ENPP2: variants seen among roughly 807,000 people sequenced by gnomAD.
The protein encoded by ENPP2 is ectonucleotide pyrophosphatase/phosphodiesterase 2, also known as autotaxin.
A neutral mutation model predicts 120.2 loss-of-function variants in ENPP2; 51 were observed. That is an observed-to-expected ratio of 0.42 (90% confidence interval 0.34 to 0.54). The LOEUF (loss-of-function observed/expected upper bound fraction) is 0.54. Ranked by LOEUF, ENPP2 falls within the 20% of genes least tolerant of loss-of-function variation. ENPP2 has a pLI of 0.04. For missense variants in ENPP2, 920 were observed against 1,066.5 expected, an observed-to-expected ratio of 0.86 and a Z score of 1.91; for synonymous variants, 365 against 366.4, an observed-to-expected ratio of 1.00 and a Z score of 0.04.
At chr8:119,561,786 T>TC (rs1813953364) in intron 24 of ENPP2, among the ~76,000 whole-genome samples, 1 of 134,406 alleles carries the variant, frequency 7.4e-6, no homozygotes, top group African/African-American at 3.1e-5. Flanking sequence ...TTGCTCTTGC[T>TC]TTGTGTGTGT....
intron 1 of ENPP2, among the ~76,000 whole-genome samples, chr8:119,646,130 G>T (rs923492439): frequency 6.6e-6 from 1 of 151,734 alleles, no homozygotes; most frequent in Non-Finnish European, 1.5e-5. Context: ...CACCATACCC[G>T]GCTAATTTTT....
intron 8 of ENPP2, among the ~76,000 whole-genome samples, chr8:119,611,608 G>A (rs1815113194): frequency 6.6e-6 from 1 of 152,192 alleles, no homozygotes; most frequent in South Asian, 2.1e-4. Context: ...ACAAAGAACA[G>A]TTCCATCCGA....
In ENPP2 at chr8:119,587,037, CACTT is replaced by C; in HGVS notation, c.1239+3_1239+6del. On this transcript the variant is annotated splice_donor_5th_base_variant and intron_variant, in intron 14 of 24. Coordinates refer to ENST00000075322, the MANE Select transcript of ENPP2 (RefSeq NM_001040092.3). ...AGGGCAGAGGCGGGACAACTGGAAA[CACTT>C]ACCGTGAGATTGGCAATAATGGCTT... is the stretch of plus-strand genomic sequence containing the variant. 1 of 1,607,908 alleles carries C rather than the reference CACTT, an allele frequency of 6.2e-7. No individual in the cohort carries two copies. Among genetic ancestry groups the C allele is most frequent in the East Asian group, 2.2e-5 (1 of 44,760 alleles).
At position 119,574,621 on chromosome 8, in the gene ENPP2, G is replaced by A. The variant is rs115871277; in HGVS notation, c.1781-3780C>T. Among the ~76,000 whole-genome samples the A allele has an allele frequency of 5.5e-3, 832 of 152,174 alleles. 8 individuals carry two copies. Among genetic ancestry groups the A allele is most frequent in the African/African-American group, 0.019 (793 of 41,528 alleles). On this transcript the variant is annotated intron_variant, in intron 19 of 24. Transcript: ENST00000075322. ...TTTTGTATTCCAAATTTGGGTCGTA[G>A]AGACTGGAGTTTGTGTTCCTTTTCC... is the stretch of plus-strand genomic sequence containing the variant.
At position 119,638,520 on chromosome 8, in the gene ENPP2, G is replaced by T. The variant is rs1043447285; in HGVS notation, c.41C>A (p.Ser14Tyr). Residue 14 changes from serine to tyrosine, a missense_variant, in exon 2 of 25, where the codon TCC becomes TAC. Transcript: ENST00000075322. Reference protein sequence around the residue: ...RSSFQSCQIISLFTFAVGVNI... With the variant: ...RSSFQSCQIIYLFTFAVGVNI... ...GACTCCAACGGCAAAAGTGAACAGG[G>T]ATATTATCTAAGAGAATAAAGAGAC... The T allele has an allele frequency of 3.2e-6, 5 of 1,575,216 alleles. No individual in the cohort carries two copies. The African/African-American group carries it at 6.7e-5, about 21-fold the overall frequency.
chr8:119,616,379 T>C lies in ENPP2; in HGVS notation c.663A>G (p.Leu221=), dbSNP rs1815460252. The C allele has an allele frequency of 1.9e-6, 3 of 1,593,132 alleles. No homozygotes were observed. Among genetic ancestry groups the C allele is most frequent in the Non-Finnish European group, 2.6e-6 (3 of 1,164,888 alleles). The part of the protein sequence containing the change: ...FPNLYTLATG[L]YPESHGIVGN... ...CAACAATTCCATGTGATTCTGGATA[T>C]AGCCCCTTTTTGTAAAAGCAAATTT... The change falls in exon 8 of 25, where the codon CTA becomes CTG. Residue 221 remains leucine, a synonymous_variant. Transcript: ENST00000075322.
chr8:119,652,421 A>G (rs1817652734), intron 1 of ENPP2, among the ~76,000 whole-genome samples: 1 of 152,284 alleles, frequency 6.6e-6, no homozygotes, highest in East Asian at 1.9e-4. Flanking sequence ...CCCTCAATCT[A>G]TTCATCCCAC....
chr8:119,668,601 C>G (rs2013693), intron 1 of ENPP2, among the ~76,000 whole-genome samples: 50,091 of 151,098 alleles, frequency 0.33, 8,584 homozygotes, highest in East Asian at 0.5. Flanking sequence ...GCTAATTTTT[C>G]TATTTTTAGG....
intron 8 of ENPP2, 84 bp from the exon 9 acceptor site, chr8:119,608,061 ATATCT>A: frequency 1.2e-6 from 1 of 840,980 alleles, no homozygotes; most frequent in Non-Finnish European, 1.9e-6. Flanking sequence ...ATTAGATCAG[ATATCT>A]TATACTCTAC....
rs367807573 is a variant in ENPP2, at chr8:119,673,254, G to C, written c.19C>G (p.Arg7Gly). ...GTAGAGAGAGGCGCATACCGTACCC[G>C]ATCGGCGTGGCGGGTCATGCTGCGG... The change falls in exon 1 of 26, where the codon CGG (arginine) becomes GGG (glycine). Residue 7 changes from arginine to glycine, a missense_variant and splice_region_variant. Coordinates refer to the ENPP2 transcript ENST00000427067. 110 of 1,535,032 alleles carry C rather than the reference G, an allele frequency of 7.2e-5. 1 individual carries two copies. The African/African-American group carries it at 1.2e-3, about 17-fold the overall frequency.
intron 24 of ENPP2, among the ~76,000 whole-genome samples, chr8:119,559,212 A>T (rs1813719529): frequency 6.6e-6 from 1 of 152,174 alleles, no homozygotes; most frequent in South Asian, 2.1e-4. Flanking sequence ...TTAACGAAGT[A>T]GGAGGTCTCC....
Position 119,659,386 on chromosome 8 carries a change from C to T in ENPP2, c.21+13866G>A, listed in dbSNP as rs536258168. On this transcript the variant is annotated intron_variant, in intron 1 of 25. Transcript: ENST00000427067. ...ACTTCCTAGTGGTACTAATCCCTAACCCTAGAAAAATAACACTATTTTCTT... is the reference window on the plus strand; with the variant it reads ...ACTTCCTAGTGGTACTAATCCCTAATCCTAGAAAAATAACACTATTTTCTT... 1.4e-3 allele frequency among the ~76,000 whole-genome samples: 206 copies of T among 149,780 alleles called. 1 individual carries two copies. Among genetic ancestry groups the T allele is most frequent in the Non-Finnish European group, 2.5e-3 (170 of 67,604 alleles).
At chr8:119,568,404 T>C (rs987610083) in intron 21 of ENPP2, 152 bp from the exon 22 acceptor site, 8 of 591,186 alleles carry the variant, frequency 1.4e-5, no homozygotes, top group African/African-American at 1.3e-4. Flanking sequence ...AACTGCGTTA[T>C]ACAACATGTC....
In ENPP2 at chr8:119,607,922, A is replaced by G; in HGVS notation, c.833T>C (p.Val278Ala). ...GVKAGTFFWS[V>A]VIPHERRILT... ...CATTGACAAAATAAAGGTAACTTAC[A>G]CAGACCAAAAGAATGTTCCAGCTTT... The change falls in exon 9 of 25, where the codon GTT (valine) becomes GCT (alanine). Residue 278 changes from valine to alanine, a missense_variant and splice_region_variant. By Grantham distance (64) the Val-to-Ala change is moderately conservative (BLOSUM62 0). Transcript: ENST00000075322. 6.3e-7 allele frequency: 1 copy of G among 1,598,746 alleles called. No homozygotes were observed. Among genetic ancestry groups the G allele is most frequent in the South Asian group, 1.1e-5 (1 of 89,240 alleles).
chr8:119,630,071 G>A (rs760319717), intron 2 of ENPP2, among the ~76,000 whole-genome samples: 11 of 151,944 alleles, frequency 7.2e-5, no homozygotes, highest in African/African-American at 2.4e-4. Flanking sequence ...CTGCAACCAC[G>A]CGCCTTGCTT....
chr8:119,610,826 C>G (rs182147885), intron 8 of ENPP2, among the ~76,000 whole-genome samples: 6 of 151,378 alleles, frequency 4.0e-5, no homozygotes, highest in Admixed American at 3.9e-4. Context: ...TCGCTTAAAC[C>G]CAGGAGGTAC....
upstream of ENPP2, among the ~76,000 whole-genome samples, chr8:119,642,386 A>G (rs1817309207): frequency 6.6e-6 from 1 of 151,900 alleles, no homozygotes; most frequent in South Asian, 2.1e-4. Flanking sequence ...CATTTGCTTT[A>G]CTTTTTGTTC....
rs190413171 is a variant in ENPP2, at chr8:119,591,110, C to T, written c.1082-480G>A. On this transcript the variant is annotated intron_variant, in intron 12 of 24. Coordinates refer to ENST00000075322, the MANE Select transcript of ENPP2 (RefSeq NM_001040092.3). ...TTACAAAATGTCATTTTCCAACTCT[C>T]TAATATATCTCCTGTCTTGAGTACA... is the stretch of plus-strand genomic sequence containing the variant. 1.6e-4 allele frequency among the ~76,000 whole-genome samples: 25 copies of T among 151,766 alleles called. No homozygotes were observed. The East Asian group carries it at 4.5e-3, about 27-fold the overall frequency.
chr8:119,609,800 A>C (rs1463891233), intron 8 of ENPP2, among the ~76,000 whole-genome samples: 1 of 152,248 alleles, frequency 6.6e-6, no homozygotes, highest in Admixed American at 6.5e-5. Flanking sequence ...ATTTCCAAGA[A>C]GATTGTACTA....
Sources: allele counts gnomAD v4.1 joint callset (sites outside exome capture counted in the v4.1 genomes callset), GRCh38; gene constraint gnomAD v4.1.1; transcripts MANE v1.5; gene names NCBI Gene and HGNC (gene_info 2026-07-23, HGNC 2026-07-21).